ARHGEF40: variants seen among roughly 807,000 people sequenced by gnomAD.
The protein encoded by ARHGEF40 is Rho guanine nucleotide exchange factor (GEF) 40.
A neutral mutation model predicts 165.9 loss-of-function variants in ARHGEF40; 98 were observed. The ratio of observed to expected loss-of-function variants is 0.59; its 90% CI spans 0.50 to 0.70. ARHGEF40 has a LOEUF of 0.70. Among genes scored for constraint, ARHGEF40 ranks in the 30% least tolerant of loss-of-function variants. The pLI, the probability that ARHGEF40 is intolerant of heterozygous loss-of-function variation, is 0.00. For synonymous variants in ARHGEF40, 792 were observed against 814.3 expected, an observed-to-expected ratio of 0.97 and a Z score of 0.47; for missense variants, 1,815 against 1,968.0, an observed-to-expected ratio of 0.92 and a Z score of 1.47.
Position 21,075,649 on chromosome 14 carries a change from G to A in ARHGEF40, c.1623G>A (p.Gly541=). 1 of 1,613,984 alleles carries A rather than the reference G, an allele frequency of 6.2e-7. No individual in the cohort carries two copies. Among genetic ancestry groups the A allele is most frequent in the Non-Finnish European group, 8.5e-7 (1 of 1,179,988 alleles). ...CTGGCCATTTTGTGTCTTCAGGAGG[G>A]GTGGACCAGAGTGGGCGAGCTCTGC... ...MASGFLILTG[G]VDQSGRALLT... The change falls in exon 5 of 24, where the codon GGG becomes GGA. Residue 541 remains glycine (G), a synonymous_variant. Coordinates refer to ENST00000298694, the MANE Select transcript of ARHGEF40 (RefSeq NM_018071.5). The surrounding 1 kb of genome is among the most constrained non-coding windows in gnomAD (Gnocchi z 4.5).
At chr14:21,063,733 A>G in the ARHGEF40 span, among the ~76,000 whole-genome samples, 2 of 152,194 alleles carry the variant, frequency 1.3e-5, no homozygotes, top group African/African-American at 4.8e-5. Context: ...GTCTTAATAA[A>G]TGTTCATTTA....
Position 21,076,346 on chromosome 14 carries a change from T to C in ARHGEF40, c.1740-14T>C, listed in dbSNP as rs1594557648. The stretch of plus-strand genomic sequence containing the variant: ...CACACACAGCAGCCTCCTTGGCTCT[T>C]CCTGCTCCCGCAGGCCTGATCTACA... On this transcript the variant is annotated splice_polypyrimidine_tract_variant and intron_variant, in intron 5 of 23. Transcript: ENST00000298694. The C allele has an allele frequency of 1.9e-6, 3 of 1,610,818 alleles. No homozygotes were observed. In the East Asian group the frequency reaches 6.7e-5, roughly 36 times the overall value.
At chr14:21,082,672 A>G (rs1021729727) in intron 15 of ARHGEF40, among the ~76,000 whole-genome samples, 159 bp from the exon 16 acceptor site, 6 of 152,158 alleles carry the variant, frequency 3.9e-5, no homozygotes, top group African/African-American at 7.2e-5. Flanking sequence ...TGCCTGGACT[A>G]TGCTCTCTCC....
Position 21,081,578 on chromosome 14 carries a change from G to C in ARHGEF40, c.2710G>C (p.Ala904Pro), listed in dbSNP as rs773638503. ...GAGPGREAVL[A>P]ALALRRAPEP... ...TGGGCCGGGTCGGGAGGCTGTGCTG[G>C]CTGCACTGGCCCTGCGGCGGGCCCC... Residue 904 changes from alanine (A) to proline (P), a missense_variant, in exon 14 of 24, where the codon GCT becomes CCT. Coordinates refer to ENST00000298694, the MANE Select transcript of ARHGEF40 (RefSeq NM_018071.5). 3.1e-6 allele frequency: 5 copies of C among 1,612,270 alleles called. No individual in the cohort carries two copies. Among genetic ancestry groups the C allele is most frequent in the Non-Finnish European group, 4.2e-6 (5 of 1,179,758 alleles).
In ARHGEF40 at chr14:21,078,224, A is replaced by G; in HGVS notation, c.2082A>G (p.Val694=). The G allele has an allele frequency of 6.2e-7, 1 of 1,614,092 alleles. No homozygotes were observed. Among genetic ancestry groups the G allele is most frequent in the Non-Finnish European group, 8.5e-7 (1 of 1,180,008 alleles). ...CRLCQGVLGS[V]RQAIEELEGA... is the part of the protein sequence containing the mutation. ...TGTGCCAAGGTGTGCTGGGCTCGGTACGGCAGGCCATTGAGGAGCTGGAGG... is the reference window on the plus strand; with the variant it reads ...TGTGCCAAGGTGTGCTGGGCTCGGTGCGGCAGGCCATTGAGGAGCTGGAGG... The change falls in exon 9 of 24, where the codon GTA becomes GTG. Residue 694 remains valine (V), a synonymous_variant. Coordinates refer to ENST00000298694, the MANE Select transcript of ARHGEF40 (RefSeq NM_018071.5).
chr14:21,082,502 C>G, intron 15 of ARHGEF40, 24 bp downstream of exon 15: 1 of 1,551,560 alleles, frequency 6.4e-7, no homozygotes, highest in Admixed American at 1.9e-5. Flanking sequence ...TCAACTTCTT[C>G]CAAGTGCTCT....
chr14:21,086,052 A>C, intron 19 of ARHGEF40, 186 bp downstream of exon 19: 2 of 755,556 alleles, frequency 2.6e-6, no homozygotes, highest in Non-Finnish European at 2.0e-6. Flanking sequence ...ACCAAAAAGA[A>C]AGAGAAAGCT....
Position 21,070,466 on chromosome 14 carries a change from T to C in ARHGEF40, c.3+67T>C. 7.4e-7 allele frequency: 1 copy of C among 1,343,046 alleles called. No homozygotes were observed. Among genetic ancestry groups the C allele is most frequent in the South Asian group, 2.0e-5 (1 of 50,960 alleles). The allele number at this position is 1,343,046 out of a possible 1,614,324, so 83.2% of individuals were successfully genotyped here. A position where few individuals can be genotyped will look rare whatever the true frequency, so the allele number is the denominator to read the frequency against. On this transcript the variant is annotated intron_variant, in intron 1 of 23. Coordinates refer to ENST00000298694, the MANE Select transcript of ARHGEF40 (RefSeq NM_018071.5). The surrounding 1 kb of genome is among the most constrained non-coding windows in gnomAD (Gnocchi z 4.7). Reference sequence around the variant, plus strand: ...GCGCAGCCCGCTCCGGGCCCCCAAGTCCTCAGCCTGGTGCCTCCCGAGCCT... The same window carrying C: ...GCGCAGCCCGCTCCGGGCCCCCAAGCCCTCAGCCTGGTGCCTCCCGAGCCT...
In ARHGEF40 at chr14:21,070,498, G is replaced by A. The variant is rs371932097; in HGVS notation, c.3+99G>A. On this transcript the variant is annotated intron_variant, in intron 1 of 23. Transcript: ENST00000298694. This position sits in a 1 kb window ranked among gnomAD's most constrained non-coding sequence, Gnocchi z 4.7. ...CCTGGTGCCTCCCGAGCCTGCCTCG[G>A]ACTGTTCGGCCCCTCTGGGACTCTC... 3.0e-6 allele frequency: 4 copies of A among 1,345,122 alleles called. No homozygotes were observed. Among genetic ancestry groups the A allele is most frequent in the East Asian group, 2.8e-5 (1 of 35,796 alleles). 83.3% of individuals were successfully genotyped at this position (1,345,122 alleles called of 1,614,324 possible).
Position 21,080,679 on chromosome 14 carries a change from G to A in ARHGEF40, c.2393G>A (p.Gly798Asp). 6.2e-7 allele frequency: 1 copy of A among 1,611,120 alleles called. No homozygotes were observed. Among genetic ancestry groups the A allele is most frequent in the Non-Finnish European group, 8.5e-7 (1 of 1,179,240 alleles). ...RLQQVLQWLS[G>D]PGEEQLASFA... The stretch of plus-strand genomic sequence containing the variant: ...CCTCAGGTGTTGCAGTGGCTCTCGG[G>A]CCCAGGGGAGGAGCAGCTGGCAAGC... Residue 798 changes from glycine (G) to aspartate (D), a missense_variant, in exon 12 of 24, where the codon GGC (glycine) becomes GAC (aspartate). Gly to Asp is a moderately conservative substitution (Grantham distance 94). Transcript: ENST00000298694.
intron 8 of ARHGEF40, among the ~76,000 whole-genome samples, chr14:21,077,901 C>A (rs145132855): frequency 6.6e-6 from 1 of 152,350 alleles, no homozygotes; most frequent in African/African-American, 2.4e-5. Flanking sequence ...AGTTACCAAG[C>A]TGTACAATGT....
At chr14:21,083,336 T>C (rs1888079637) in intron 16 of ARHGEF40, among the ~76,000 whole-genome samples, 1 of 151,460 alleles carries the variant, frequency 6.6e-6, no homozygotes, top group Non-Finnish European at 1.5e-5. Flanking sequence ...GGTCAGGAGA[T>C]TGAGACTATC....
In ARHGEF40 at chr14:21,084,775, A is replaced by T; in HGVS notation, c.3812A>T (p.Gln1271Leu). 1.9e-6 allele frequency: 3 copies of T among 1,613,928 alleles called. No individual in the cohort carries two copies. The highest frequency in any genetic ancestry group is 2.5e-6 in the Non-Finnish European group (3 of 1,180,014). The change falls in exon 18 of 24, where the codon CAG becomes CTG. Residue 1271 changes from glutamine to leucine, a missense_variant. Coordinates refer to ENST00000298694, the MANE Select transcript of ARHGEF40 (RefSeq NM_018071.5). ...GCEIDLKEQGQLLHRDPFTVI... is the reference protein window; with the variant it reads ...GCEIDLKEQGLLLHRDPFTVI... ...CAGATAGATCTGAAGGAGCAGGGAC[A>T]GCTCTTGCATCGAGACCCCTTCACT...
intron 19 of ARHGEF40, 172 bp downstream of exon 19, chr14:21,086,038 A>G (rs976108714): frequency 1.2e-5 from 10 of 820,332 alleles, no homozygotes; most frequent in Admixed American, 9.3e-5. Flanking sequence ...TGAGCCTAAG[A>G]TATACCAAAA....
At chr14:21,062,732 T>TGTGTGTGTGTGTGTGC in the ARHGEF40 span, among the ~76,000 whole-genome samples, 1 of 150,720 alleles carries the variant, frequency 6.6e-6, no homozygotes, top group African/African-American at 2.4e-5. Flanking sequence ...TGTGTGTGTG[T>TGTGTGTGTGTGTGTGC]GTGTGTGTGT....
In ARHGEF40 at chr14:21,078,114, C is replaced by T. The variant is rs1296549973; in HGVS notation, c.2035-63C>T. The stretch of plus-strand genomic sequence containing the variant: ...GTCTCTGGGGCTACCGCACCCCAAC[C>T]CTAGGGCTTAAGTTCCTTCTTAAAC... On this transcript the variant is annotated intron_variant, in intron 8 of 23. Transcript: ENST00000298694. 3 of 1,488,972 alleles carry T rather than the reference C, an allele frequency of 2.0e-6. No individual in the cohort carries two copies. The African/African-American group carries it at 4.2e-5, about 21-fold the overall frequency. The allele number at this position is 1,488,972 out of a possible 1,614,324, so 92.2% of individuals were successfully genotyped here.
intron 8 of ARHGEF40, among the ~76,000 whole-genome samples, chr14:21,077,131 G>A (rs905964513): frequency 6.6e-6 from 1 of 152,024 alleles, no homozygotes; most frequent in Non-Finnish European, 1.5e-5. Flanking sequence ...TTTTTAGACA[G>A]TCTCACTCTG....
At chr14:21,076,050 T>G (rs1887391053) in intron 5 of ARHGEF40, among the ~76,000 whole-genome samples, 1 of 152,186 alleles carries the variant, frequency 6.6e-6, no homozygotes, top group South Asian at 2.1e-4. Context: ...GAGCACTGAG[T>G]ACCTATTAGG....
Position 21,079,041 on chromosome 14 carries a change from C to T in ARHGEF40, c.2373+31C>T, listed in dbSNP as rs145379242. ...CCAGGATCCCCACGTCCCTCTTACT[C>T]AGCCTGGGAGTGTGGCCTCCAGCAC... On this transcript the variant is annotated intron_variant, in intron 11 of 23. Coordinates refer to ENST00000298694, the MANE Select transcript of ARHGEF40 (RefSeq NM_018071.5). 1.2e-4 allele frequency: 188 copies of T among 1,601,492 alleles called. No homozygotes were observed. The African/African-American group carries it at 2.3e-3, about 20-fold the overall frequency.
Sources: allele counts gnomAD v4.1 joint callset (sites outside exome capture counted in the v4.1 genomes callset), GRCh38; gene constraint gnomAD v4.1.1; non-coding constraint Gnocchi (gnomAD v3.1); transcripts MANE v1.5; gene names NCBI Gene and HGNC (gene_info 2026-07-23, HGNC 2026-07-21).